LZIC: variants seen among roughly 807,000 people sequenced by gnomAD.
LZIC encodes leucine zipper and CTNNBIP1 domain containing, also known as protein LZIC.
In LZIC, 28 loss-of-function variants were observed where a neutral mutation model predicts 25.4. The ratio of observed to expected loss-of-function variants is 1.10; its 90% CI spans 0.82 to 1.51. The LOEUF (loss-of-function observed/expected upper bound fraction) is 1.51. Among genes scored for constraint, LZIC ranks in the 40% most tolerant of loss-of-function variants. LZIC has a pLI of 0.00. For synonymous variants in LZIC, 65 were observed against 70.7 expected (o/e 0.92, Z 0.40); for missense variants, 170 against 211.1 (o/e 0.81, Z 1.21).
chr1:9,937,999 T>C (rs2101605506), intron 2 of LZIC, among the ~76,000 whole-genome samples: 2 of 152,156 alleles, frequency 1.3e-5, no homozygotes, highest in East Asian at 3.9e-4. Flanking sequence ...GACATATTAA[T>C]TAGAAGTCTT....
At position 9,929,411 on chromosome 1, in the gene LZIC, T is replaced by C. The variant is rs1019440937; in HGVS notation, c.*988A>G. The C allele has an allele frequency of 1.0e-6, 1 of 985,274 alleles. No homozygotes were observed. The highest frequency in any genetic ancestry group is 1.2e-6 in the Non-Finnish European group (1 of 829,904). The allele number at this position is 985,274 out of a possible 1,614,324, so 61.0% of individuals were successfully genotyped here. Reference sequence around the variant, plus strand: ...ACACGCATAGGGACACATCTGCATATTTGAGCATACAGAGACATGTAAATA... The same window carrying C: ...ACACGCATAGGGACACATCTGCATACTTGAGCATACAGAGACATGTAAATA... On this transcript the variant is annotated 3_prime_UTR_variant, in exon 8 of 8. Coordinates refer to ENST00000377223, the MANE Select transcript of LZIC (RefSeq NM_032368.5).
intron 2 of LZIC, among the ~76,000 whole-genome samples, chr1:9,938,403 C>G (rs1168759790): frequency 6.6e-6 from 1 of 152,134 alleles, no homozygotes; most frequent in Non-Finnish European, 1.5e-5. Flanking sequence ...TCAAGAGATC[C>G]TCCCACCTCA....
intron 2 of LZIC, among the ~76,000 whole-genome samples, chr1:9,939,368 TTTTTC>T (rs1553122738): frequency 2.0e-5 from 1 of 50,844 alleles, no homozygotes; most frequent in African/African-American, 4.0e-5. Context: ...GGCTTTTTTT[TTTTTC>T]TTTTTTTTTT....
At chr1:9,931,484 G>A (rs183960458) in intron 7 of LZIC, among the ~76,000 whole-genome samples, 4 of 151,936 alleles carry the variant, frequency 2.6e-5, no homozygotes, top group African/African-American at 7.3e-5. Flanking sequence ...GGATGGTCTC[G>A]ATCTCCTGAC....
rs897659163 is a variant in LZIC at position 9,926,856 on chromosome 1, T to C, written c.*3543A>G. Among the ~76,000 whole-genome samples, 1 of 152,240 alleles carries C rather than the reference T, an allele frequency of 6.6e-6. No homozygotes were observed. Among genetic ancestry groups the C allele is most frequent in the African/African-American group, 2.4e-5 (1 of 41,470 alleles). The stretch of plus-strand genomic sequence containing the variant: ...CAAGAAGTGGAAGAGAAACACAGTT[T>C]ATAAGTCATTTAATAACTATAATTG... On this transcript the variant is annotated 3_prime_UTR_variant, in exon 8 of 8. Transcript: ENST00000377223.
chr1:9,935,472 C>T lies in LZIC; in HGVS notation c.237+20G>A, dbSNP rs776810670. Reference sequence around the variant, plus strand: ...CAAAAAAACAAAGTCTGTCCTCTGTCGCCTATATGTTATACTTACCAGCTG... The same window carrying T: ...CAAAAAAACAAAGTCTGTCCTCTGTTGCCTATATGTTATACTTACCAGCTG... On this transcript the variant is annotated intron_variant, in intron 4 of 7. Coordinates refer to ENST00000377223, the MANE Select transcript of LZIC (RefSeq NM_032368.5). The T allele has an allele frequency of 1.1e-5, 17 of 1,576,410 alleles. No individual in the cohort carries two copies. The highest frequency in any genetic ancestry group is 2.0e-5 in the Admixed American group (1 of 49,478).
At position 9,932,341 on chromosome 1, in the gene LZIC, G is replaced by A. The variant is rs1423202220; in HGVS notation, c.433-369C>T. On this transcript the variant is annotated intron_variant, in intron 6 of 7. Transcript: ENST00000377223. ...GCCTGGACAGCAAGGGCAAAACTCCGTCTCAAAAAAAAAAAAAAAAGGTAG... is the reference window on the plus strand; with the variant it reads ...GCCTGGACAGCAAGGGCAAAACTCCATCTCAAAAAAAAAAAAAAAAGGTAG... Among the ~76,000 whole-genome samples the A allele has an allele frequency of 1.2e-4, 16 of 135,704 alleles. No individual in the cohort carries two copies. In the East Asian group the frequency reaches 1.8e-3, roughly 15 times the overall value. 89.0% of individuals were successfully genotyped at this position (135,704 alleles called of 152,430 possible). A position where few individuals can be genotyped will look rare whatever the true frequency, so the allele number is the denominator to read the frequency against.
At position 9,932,915 on chromosome 1, in the gene LZIC, C is replaced by T. The variant is rs912057799; in HGVS notation, c.337-17G>A. ...TCTATCCATCTAAAACGTATGAATG[C>T]AAGGCATATGTTACTTAAGTGAAAA... On this transcript the variant is annotated splice_polypyrimidine_tract_variant and intron_variant, in intron 5 of 7. Coordinates refer to ENST00000377223, the MANE Select transcript of LZIC (RefSeq NM_032368.5). 5 of 1,486,202 alleles carry T rather than the reference C, an allele frequency of 3.4e-6. No individual in the cohort carries two copies. The highest frequency in any genetic ancestry group is 4.7e-6 in the Non-Finnish European group (5 of 1,065,816). 92.1% of individuals were successfully genotyped at this position (1,486,202 alleles called of 1,614,324 possible).
At chr1:9,930,556 G>C (rs1640164923) in intron 7 of LZIC, 99 bp from the exon 8 acceptor site, 1 of 1,521,994 alleles carries the variant, frequency 6.6e-7, no homozygotes, top group African/African-American at 1.4e-5. Flanking sequence ...TATTAAAACA[G>C]AAAATATAAT....
Position 9,941,311 on chromosome 1 carries a change from C to T in LZIC, c.-9+1313G>A, listed in dbSNP as rs113578745. 8.5e-3 allele frequency among the ~76,000 whole-genome samples: 1,296 copies of T among 151,906 alleles called. 21 individuals are homozygous for T. The highest frequency in any genetic ancestry group is 0.03 in the African/African-American group (1,243 of 41,392). ...CTGGGTTCAAGTGACTCTCCTGCCTCGGTCTCCCGAGTAGCTGGGAATGTA... is the reference window on the plus strand; with the variant it reads ...CTGGGTTCAAGTGACTCTCCTGCCTTGGTCTCCCGAGTAGCTGGGAATGTA... On this transcript the variant is annotated intron_variant, in intron 2 of 7. Transcript: ENST00000377223.
chr1:9,932,684 A>AG lies in LZIC; in HGVS notation c.432+118dup, dbSNP rs774532533. 1,891 of 473,416 alleles carry AG rather than the reference A, an allele frequency of 4.0e-3. 8 individuals are homozygous for AG. The highest frequency in any genetic ancestry group is 0.018 in the East Asian group (459 of 25,920). 29.3% of individuals were successfully genotyped at this position (473,416 alleles called of 1,614,324 possible). On this transcript the variant is annotated intron_variant, in intron 6 of 7. Coordinates refer to ENST00000377223, the MANE Select transcript of LZIC (RefSeq NM_032368.5). Reference sequence around the variant, plus strand: ...GGCAACAAGAGCGGAACTCCGTCTCAGAAAAAAAAAAAAAAAAAAAAGAAT... The same window carrying AG: ...GGCAACAAGAGCGGAACTCCGTCTCAGGAAAAAAAAAAAAAAAAAAAAGAAT...
At position 9,930,027 on chromosome 1, in the gene LZIC, G is replaced by A; in HGVS notation, c.*372C>T. The A allele has an allele frequency of 9.9e-7, 1 of 1,010,990 alleles. No homozygotes were observed. The highest frequency in any genetic ancestry group is 1.2e-6 in the Non-Finnish European group (1 of 844,702). The allele number at this position is 1,010,990 out of a possible 1,614,324, so 62.6% of individuals were successfully genotyped here. A position where few individuals can be genotyped will look rare whatever the true frequency, so the allele number is the denominator to read the frequency against. ...GCGTCACTGTTCACTCCAATGAGTGGGGATAAGTTGTAAGCAGAAAAATAT... is the reference window on the plus strand; with the variant it reads ...GCGTCACTGTTCACTCCAATGAGTGAGGATAAGTTGTAAGCAGAAAAATAT... On this transcript the variant is annotated 3_prime_UTR_variant, in exon 8 of 8. Transcript: ENST00000377223.
chr1:9,931,816 C>T, intron 7 of LZIC, 75 bp downstream of exon 7: 2 of 933,998 alleles, frequency 2.1e-6, no homozygotes, highest in South Asian at 1.6e-5. Flanking sequence ...TTATTTCAAC[C>T]ACACTCTCCA....
chr1:9,927,678 C>CTTT lies in LZIC; in HGVS notation c.*2718_*2720dup, dbSNP rs551706607. On this transcript the variant is annotated 3_prime_UTR_variant, in exon 8 of 8. Coordinates refer to ENST00000377223, the MANE Select transcript of LZIC (RefSeq NM_032368.5). ...AGGGTAAGGGAAGAATCTTCTTCCT[C>CTTT]TTTTTTTTTTTTTTTTTTTTTTTGA... 1.1e-3 allele frequency among the ~76,000 whole-genome samples: 122 copies of CTTT among 106,626 alleles called. No individual in the cohort carries two copies. Among genetic ancestry groups the CTTT allele is most frequent in the Non-Finnish European group, 1.6e-3 (86 of 54,748 alleles). 70.0% of individuals were successfully genotyped at this position (106,626 alleles called of 152,430 possible). A position where few individuals can be genotyped will look rare whatever the true frequency, so the allele number is the denominator to read the frequency against.
Position 9,929,408 on chromosome 1 carries a change from A to G in LZIC, c.*991T>C. ...TATACACGCATAGGGACACATCTGC[A>G]TATTTGAGCATACAGAGACATGTAA... On this transcript the variant is annotated 3_prime_UTR_variant, in exon 8 of 8. Transcript: ENST00000377223. 6 of 985,448 alleles carry G rather than the reference A, an allele frequency of 6.1e-6. No individual in the cohort carries two copies. Among genetic ancestry groups the G allele is most frequent in the Non-Finnish European group, 7.2e-6 (6 of 829,910 alleles). 61.0% of individuals were successfully genotyped at this position (985,448 alleles called of 1,614,324 possible).
intron 5 of LZIC, among the ~76,000 whole-genome samples, chr1:9,933,963 C>T (rs1570638432): frequency 6.6e-6 from 1 of 151,770 alleles, no homozygotes; most frequent in East Asian, 1.9e-4. Context: ...GCAGTGGCTC[C>T]CATCTATAAT....
rs1640047977 is a variant in LZIC, at chr1:9,928,014, T to TGGGTGTGGTGGCTCAGGCC, written c.*2366_*2384dup. 6.6e-6 allele frequency among the ~76,000 whole-genome samples: 1 copy of TGGGTGTGGTGGCTCAGGCC among 152,008 alleles called. No individual in the cohort carries two copies. Among genetic ancestry groups the TGGGTGTGGTGGCTCAGGCC allele is most frequent in the Non-Finnish European group, 1.5e-5 (1 of 68,002 alleles). On this transcript the variant is annotated 3_prime_UTR_variant, in exon 8 of 8. Coordinates refer to ENST00000377223, the MANE Select transcript of LZIC (RefSeq NM_032368.5). ...TATGGCTTAAAAAACAAACGTAGGC[T>TGGGTGTGGTGGCTCAGGCC]GGGTGTGGTGGCTCAGGCCGGGTAT...
chr1:9,932,434 A>T (rs1640263325), intron 6 of LZIC, among the ~76,000 whole-genome samples: 1 of 150,782 alleles, frequency 6.6e-6, no homozygotes, highest in African/African-American at 2.4e-5. Flanking sequence ...TGTAATCCCA[A>T]CACTTTGGGA....
At chr1:9,924,084 C>T (rs1002016834), downstream of LZIC, among the ~76,000 whole-genome samples, 12 of 151,934 alleles carry the variant, frequency 7.9e-5, no homozygotes, top group Non-Finnish European at 1.8e-4. Flanking sequence ...CCCGGGGTTC[C>T]CCCATCTTGG....
Sources: gnomAD v4.1 joint callset for allele counts (sites outside exome capture counted in the v4.1 genomes callset) on GRCh38, gnomAD v4.1.1 for gene constraint, MANE v1.5 for transcripts, NCBI Gene and HGNC (gene_info 2026-07-23, HGNC 2026-07-21) for gene names.